The following VRK2 variants were observed in gnomAD, a reference collection of about 807,000 sequenced individuals.
The protein encoded by VRK2 is serine/threonine-protein kinase VRK2.
In VRK2, 60 loss-of-function variants were observed where a neutral mutation model predicts 57.6. The observed-to-expected ratio is 1.04, with a 90% CI of 0.85 to 1.29. The LOEUF is 1.29. Among genes scored for constraint, VRK2 ranks in the 50% most tolerant of loss-of-function variants. The pLI, the probability that VRK2 is intolerant of heterozygous loss-of-function variation, is 0.00. For synonymous variants in VRK2, 231 were observed against 199.2 expected (o/e 1.16, Z -1.35); for missense variants, 705 against 588.1 (o/e 1.20, Z -2.06).
chr2:57,965,049 T>C (rs1244773034), intron 1 of VRK2, among the ~76,000 whole-genome samples: 1 of 152,180 alleles, frequency 6.6e-6, no homozygotes, highest in Non-Finnish European at 1.5e-5. Context: ...CTTTGGATCA[T>C]TTATATGTGA....
chr2:58,094,574 G>C lies in VRK2; in HGVS notation c.543+4851G>C, dbSNP rs181923623. Among the ~76,000 whole-genome samples, 441 of 152,166 alleles carry C rather than the reference G, an allele frequency of 2.9e-3. 2 individuals are homozygous for C. The highest frequency in any genetic ancestry group is 4.5e-3 in the Admixed American group (69 of 15,294). On this transcript the variant is annotated intron_variant, in intron 7 of 12. Coordinates refer to ENST00000340157, the MANE Select transcript of VRK2 (RefSeq NM_006296.7). ...AGGAGATTTTGGGCTGAGACGATGG[G>C]GTTTTCTAAATAATCATGTCATCTG...
At chr2:58,098,907 T>C (rs930566623) in intron 7 of VRK2, among the ~76,000 whole-genome samples, 1 of 152,098 alleles carries the variant, frequency 6.6e-6, no homozygotes, top group East Asian at 1.9e-4. Context: ...AATTACAAAT[T>C]TGTGCTTCAT....
intron 2 of VRK2, among the ~76,000 whole-genome samples, chr2:58,053,583 A>G (rs892130729): frequency 6.6e-6 from 1 of 152,216 alleles, no homozygotes; most frequent in African/African-American, 2.4e-5. Context: ...TTACTTCTTC[A>G]TAAAATAATT....
At chr2:58,018,846 G>A (rs1673663904) in intron 1 of VRK2, among the ~76,000 whole-genome samples, 1 of 152,036 alleles carries the variant, frequency 6.6e-6, no homozygotes, top group Non-Finnish European at 1.5e-5. Context: ...TGTTCCATCT[G>A]CCTGAAATGC....
intron 1 of VRK2, among the ~76,000 whole-genome samples, chr2:57,961,644 T>A (rs1261972530): frequency 9.2e-6 from 1 of 108,166 alleles, no homozygotes; most frequent in Non-Finnish European, 1.8e-5. Flanking sequence ...CACTTATTAC[T>A]CTGATTAATC....
At chr2:58,154,565 G>A (rs1376122252) in intron 12 of VRK2, among the ~76,000 whole-genome samples, 1 of 151,872 alleles carries the variant, frequency 6.6e-6, no homozygotes, top group Non-Finnish European at 1.5e-5. Flanking sequence ...CTTCTAGCAT[G>A]ACATTAGCTA....
chr2:58,047,779 A>G (rs1675078456), intron 1 of VRK2, among the ~76,000 whole-genome samples: 1 of 152,064 alleles, frequency 6.6e-6, no homozygotes, highest in African/African-American at 2.4e-5. Context: ...TTAAAGATAC[A>G]CGCAGCGACT....
Position 57,985,557 on chromosome 2 carries a change from G to T in VRK2, c.-438-40108G>T, listed in dbSNP as rs1672569610. 2.6e-5 allele frequency among the ~76,000 whole-genome samples: 4 copies of T among 151,720 alleles called. 1 individual carries two copies. The South Asian group carries it at 8.3e-4, about 31-fold the overall frequency. ...ATATGATATTATATTACATCCTTAA[G>T]TTAATAAAGTACATTCACAAGAAAC... On this transcript the variant is annotated intron_variant, in intron 1 of 15. Transcript: ENST00000417641.
chr2:58,139,573 A>G, intron 10 of VRK2, 93 bp from the exon 11 acceptor site: 5 of 1,149,178 alleles, frequency 4.4e-6, no homozygotes, highest in South Asian at 1.6e-5. Context: ...GTAAATGTGT[A>G]AAAGACAAAG....
chr2:58,128,189 T>A (rs1678646940), intron 8 of VRK2, among the ~76,000 whole-genome samples: 1 of 152,218 alleles, frequency 6.6e-6, no homozygotes, highest in Non-Finnish European at 1.5e-5. Flanking sequence ...CACTCATTTA[T>A]TCCTTGCCAA....
intron 12 of VRK2, among the ~76,000 whole-genome samples, chr2:58,149,311 T>A (rs1682641912): frequency 6.6e-6 from 1 of 151,768 alleles, no homozygotes; most frequent in Non-Finnish European, 1.5e-5. Context: ...AGTTATTTGT[T>A]GCTGGTATAT....
intron 1 of VRK2, among the ~76,000 whole-genome samples, chr2:57,931,730 A>C (rs975211587): frequency 4.6e-5 from 7 of 151,622 alleles, no homozygotes; most frequent in Non-Finnish European, 8.8e-5. Flanking sequence ...CCTCTAAGAG[A>C]TTTATAGCTT....
chr2:58,128,134 C>T (rs188652618), intron 8 of VRK2, among the ~76,000 whole-genome samples: 99 of 152,194 alleles, frequency 6.5e-4, no homozygotes, highest in Non-Finnish European at 1.3e-3. Flanking sequence ...AGGATAGTAA[C>T]ATGAAAAATT....
chr2:58,138,786 A>T (rs1285005646), intron 10 of VRK2, among the ~76,000 whole-genome samples: 1 of 152,214 alleles, frequency 6.6e-6, no homozygotes, highest in East Asian at 1.9e-4. Flanking sequence ...AGGCATATCT[A>T]AACATCTCTG....
At chr2:57,939,790 G>A (rs1258870921) in intron 1 of VRK2, among the ~76,000 whole-genome samples, 1 of 152,084 alleles carries the variant, frequency 6.6e-6, no homozygotes, top group Non-Finnish European at 1.5e-5. Flanking sequence ...TTGAAATTAG[G>A]TAGAACACTT....
At chr2:57,983,488 G>A (rs141015730) in intron 1 of VRK2, among the ~76,000 whole-genome samples, 1 of 152,176 alleles carries the variant, frequency 6.6e-6, no homozygotes, top group Non-Finnish European at 1.5e-5. Context: ...GAGATACTTG[G>A]GATGTCATTA....
intron 1 of VRK2, among the ~76,000 whole-genome samples, chr2:57,967,190 CAG>C (rs1671945884): frequency 6.6e-6 from 1 of 152,076 alleles, no homozygotes; most frequent in Non-Finnish European, 1.5e-5. Context: ...CACATGGACA[CAG>C]AGAGGGGAAC....
chr2:58,110,013 C>G (rs1437559080), intron 7 of VRK2, among the ~76,000 whole-genome samples: 1 of 152,172 alleles, frequency 6.6e-6, no homozygotes, highest in Non-Finnish European at 1.5e-5. Context: ...ACTGGAAGTA[C>G]AGGCTTAACT....
At chr2:58,121,318 A>T (rs1378127577) in intron 7 of VRK2, among the ~76,000 whole-genome samples, 3 of 152,220 alleles carry the variant, frequency 2.0e-5, no homozygotes, top group African/African-American at 7.2e-5. Flanking sequence ...ATTAAAATAC[A>T]ATTCCATTTG....
Sources: gnomAD v4.1 joint callset for allele counts (sites outside exome capture counted in the v4.1 genomes callset) on GRCh38, gnomAD v4.1.1 for gene constraint, MANE v1.5 for transcripts, NCBI Gene and HGNC (gene_info 2026-07-23, HGNC 2026-07-21) for gene names.